Variants in PHF2 observed in about 807,000 individuals in gnomAD.
PHF2 encodes the protein PHD finger protein 2, also known as lysine-specific demethylase PHF2.
PHF2 carries 27 observed loss-of-function variants against 120.5 expected under a neutral mutation model. The observed-to-expected ratio is 0.22, with a 90% CI of 0.17 to 0.31. The LOEUF (loss-of-function observed/expected upper bound fraction) is 0.31. PHF2 is among the 10% of genes least tolerant of loss of function. PHF2 has a pLI of 1.00. For missense variants in PHF2, 1,024 were observed against 1,434.8 expected, an observed-to-expected ratio of 0.71 and a Z score of 4.63; for synonymous variants, 568 against 592.5, an observed-to-expected ratio of 0.96 and a Z score of 0.60.
intron 19 of PHF2, among the ~76,000 whole-genome samples, chr9:93,675,467 C>T (rs556260921): frequency 6.6e-6 from 1 of 152,384 alleles, no homozygotes; most frequent in East Asian, 1.9e-4. Context: ...CTCCTGGGCT[C>T]TGCCCCATGC....
chr9:93,677,904 C>T lies in PHF2; in HGVS notation c.*228C>T. On this transcript the variant is annotated 3_prime_UTR_variant, in exon 22 of 22. Transcript: ENST00000359246. This position sits in a 1 kb window ranked among gnomAD's most constrained non-coding sequence, Gnocchi z 4.4. ...CTCAAGTTGCTAAGAGTGATCTGTC[C>T]CAGAAAAGCGGCCCTGCAAGTTTGA... 3 of 529,874 alleles carry T rather than the reference C, an allele frequency of 5.7e-6. No homozygotes were observed. The South Asian group carries it at 7.5e-5, about 13-fold the overall frequency. 32.8% of individuals were successfully genotyped at this position (529,874 alleles called of 1,614,324 possible).
At chr9:93,647,963 A>T (rs1007960165) in intron 4 of PHF2, among the ~76,000 whole-genome samples, 4 of 152,244 alleles carry the variant, frequency 2.6e-5, no homozygotes, top group Admixed American at 6.5e-5. Flanking sequence ...CAGACAATTT[A>T]AAAAATATAT....
chr9:93,664,775 G>A (rs185881105), intron 14 of PHF2, among the ~76,000 whole-genome samples: 1 of 152,362 alleles, frequency 6.6e-6, no homozygotes. Flanking sequence ...ACTCTGTGAC[G>A]GTGCTAGGGA....
intron 7 of PHF2, among the ~76,000 whole-genome samples, chr9:93,654,846 G>C (rs1188919320): frequency 6.6e-6 from 1 of 152,188 alleles, no homozygotes; most frequent in Non-Finnish European, 1.5e-5. Flanking sequence ...CCTCACCACC[G>C]AGGCCACCTT....
At chr9:93,673,916 G>A in intron 18 of PHF2, 54 bp downstream of exon 18, 2 of 1,499,030 alleles carry the variant, frequency 1.3e-6, no homozygotes, top group East Asian at 4.7e-5. Context: ...AGAAGGCCTG[G>A]CTGAGAATGG....
chr9:93,589,160 C>A (rs187885179), intron 1 of PHF2, among the ~76,000 whole-genome samples: 60 of 152,336 alleles, frequency 3.9e-4, no homozygotes, highest in Admixed American at 3.1e-3. Flanking sequence ...TACAAAGCAG[C>A]TGTCCCAATA....
At chr9:93,635,053 T>C (rs1241167088) in intron 2 of PHF2, among the ~76,000 whole-genome samples, 1 of 152,200 alleles carries the variant, frequency 6.6e-6, no homozygotes, top group Non-Finnish European at 1.5e-5. Context: ...CCAAAACAGA[T>C]TTGAACCCTG....
At position 93,679,538 on chromosome 9, in the gene PHF2, C is replaced by T; in HGVS notation, c.*1862C>T. 1 of 229,098 alleles carries T rather than the reference C, an allele frequency of 4.4e-6. No homozygotes were observed. The highest frequency in any genetic ancestry group is 4.9e-5 in the South Asian group (1 of 20,340). The allele number at this position is 229,098 out of a possible 1,614,324, so 14.2% of individuals were successfully genotyped here. A position where few individuals can be genotyped will look rare whatever the true frequency, so the allele number is the denominator to read the frequency against. Reference sequence around the variant, plus strand: ...ATCGAGTCCATGAGGTCTAAGGCAACTTAGATCAAAGTTTTAAAAAAGTAA... The same window carrying T: ...ATCGAGTCCATGAGGTCTAAGGCAATTTAGATCAAAGTTTTAAAAAAGTAA... On this transcript the variant is annotated 3_prime_UTR_variant, in exon 22 of 22. Transcript: ENST00000359246.
intron 1 of PHF2, among the ~76,000 whole-genome samples, chr9:93,619,719 C>T (rs996982128): frequency 3.9e-5 from 6 of 152,234 alleles, no homozygotes; most frequent in Admixed American, 1.3e-4. Context: ...GGGCCTGTTG[C>T]GGCCCCTGAA....
Position 93,636,508 on chromosome 9 carries a change from G to A in PHF2, c.282G>A (p.Arg94=). The A allele has an allele frequency of 6.3e-7, 1 of 1,594,734 alleles. No homozygotes were observed. Among genetic ancestry groups the A allele is most frequent in the Non-Finnish European group, 8.5e-7 (1 of 1,171,056 alleles). The part of the protein sequence containing the change: ...NGSQLFIKEL[R]SRTFPSAEDV... ...GCCAGCTCTTCATCAAGGAGCTGCGGAGCCGGACCTTTCCCAGGTGGGCTG... is the reference window on the plus strand; with the variant it reads ...GCCAGCTCTTCATCAAGGAGCTGCGAAGCCGGACCTTTCCCAGGTGGGCTG... The change falls in exon 3 of 22, where the codon CGG becomes CGA. Residue 94 remains arginine, a synonymous_variant. Coordinates refer to ENST00000359246, the MANE Select transcript of PHF2 (RefSeq NM_005392.4).
intron 6 of PHF2, 136 bp downstream of exon 6, chr9:93,653,501 C>T: frequency 1.2e-6 from 1 of 848,512 alleles, no homozygotes; most frequent in Non-Finnish European, 1.8e-6. Context: ...ATCCCTGGGA[C>T]AGGAGGCCTC....
At chr9:93,613,287 G>A (rs903073870) in intron 1 of PHF2, among the ~76,000 whole-genome samples, 3 of 152,192 alleles carry the variant, frequency 2.0e-5, no homozygotes, top group Non-Finnish European at 4.4e-5. Flanking sequence ...CTCTGTGGCC[G>A]CATGCAAAGA....
At chr9:93,653,507 G>C in intron 6 of PHF2, 142 bp downstream of exon 6, 1 of 797,062 alleles carries the variant, frequency 1.3e-6, no homozygotes, top group East Asian at 2.6e-5. Context: ...GGGACAGGAG[G>C]CCTCTGGAGA....
rs115423474 is a variant in PHF2, at chr9:93,627,801, T to A, written c.99-2169T>A. Among the ~76,000 whole-genome samples the A allele has an allele frequency of 2.3e-3, 343 of 152,286 alleles. 1 individual carries two copies. Among genetic ancestry groups the A allele is most frequent in the African/African-American group, 7.8e-3 (326 of 41,558 alleles). On this transcript the variant is annotated intron_variant, in intron 1 of 21. Transcript: ENST00000359246. The stretch of plus-strand genomic sequence containing the variant: ...TTGTGTTAATATGGTGTAATGTGTC[T>A]TGGGGAGGATGGGGAATTGGGGAAG...
intron 17 of PHF2, chr9:93,672,854 G>T (rs1226875885): frequency 1.4e-5 from 14 of 968,852 alleles, no homozygotes; most frequent in African/African-American, 5.3e-5. Context: ...AGGTGCAGGG[G>T]TGGAGGTAGG....
chr9:93,618,945 A>C (rs916602120), intron 1 of PHF2, among the ~76,000 whole-genome samples: 4 of 55,502 alleles, frequency 7.2e-5, no homozygotes, highest in African/African-American at 3.0e-4. Flanking sequence ...TATGTGTGCT[A>C]AGCCAGGTCC....
intron 3 of PHF2, among the ~76,000 whole-genome samples, chr9:93,643,136 T>G (rs1826196360): frequency 6.6e-6 from 1 of 152,202 alleles, no homozygotes; most frequent in African/African-American, 2.4e-5. Context: ...GGCATGGTGC[T>G]TCAGAGGGGT....
At chr9:93,594,129 G>A (rs907014830) in intron 1 of PHF2, among the ~76,000 whole-genome samples, 2 of 152,044 alleles carry the variant, frequency 1.3e-5, no homozygotes, top group Non-Finnish European at 2.9e-5. Flanking sequence ...GGTGGGTGAG[G>A]ACACCTCACC....
chr9:93,669,637 C>T (rs760276789), intron 17 of PHF2, among the ~76,000 whole-genome samples: 13 of 152,202 alleles, frequency 8.5e-5, no homozygotes, highest in Non-Finnish European at 1.3e-4. Context: ...GCGCCTGCCC[C>T]GGCACTGGGC....
Sources: gnomAD v4.1 joint callset for allele counts (sites outside exome capture counted in the v4.1 genomes callset) on GRCh38, gnomAD v4.1.1 for gene constraint, Gnocchi (gnomAD v3.1) non-coding constraint, MANE v1.5 for transcripts, NCBI Gene and HGNC (gene_info 2026-07-23, HGNC 2026-07-21) for gene names.